Variants in RTKN2 observed in about 807,000 individuals in gnomAD.
RTKN2 encodes rhotekin-2.
A neutral mutation model predicts 71.5 loss-of-function variants in RTKN2; 69 were observed. The observed-to-expected ratio is 0.96, with a 90% CI of 0.79 to 1.18. The LOEUF is 1.18. RTKN2 is among the 50% of genes most tolerant of loss of function. RTKN2 has a pLI of 0.00. For missense variants in RTKN2, 724 were observed against 719.7 expected (o/e 1.01, Z -0.07); for synonymous variants, 236 against 236.5 (o/e 1.00, Z 0.02).
rs181944534 is a variant in RTKN2, at chr10:62,240,027, A to C, written c.371-262T>G. ...AGCCTAAAGAAACCACCAAACTCAT[A>C]AATTTTATTCCTATTAAACTTCTTA... On this transcript the variant is annotated intron_variant, in intron 4 of 11. Transcript: ENST00000373789. Among the ~76,000 whole-genome samples the C allele has an allele frequency of 7.2e-5, 11 of 152,248 alleles. No individual in the cohort carries two copies. In the East Asian group the frequency reaches 2.1e-3, roughly 29 times the overall value.
intron 9 of RTKN2, among the ~76,000 whole-genome samples, chr10:62,209,979 C>T (rs10995089): frequency 0.23 from 34,883 of 151,900 alleles, 5,141 homozygotes; most frequent in African/African-American, 0.42. Context: ...GGGTATATAC[C>T]CAGTAATGGG....
rs1841254924 is a variant in RTKN2, at chr10:62,193,351, T to G, written c.*4557A>C. The G allele has an allele frequency of 5.1e-6, 5 of 980,394 alleles. No homozygotes were observed. In the Admixed American group the frequency reaches 3.1e-4, roughly 60 times the overall value. The allele number at this position is 980,394 out of a possible 1,614,324, so 60.7% of individuals were successfully genotyped here. A position where few individuals can be genotyped will look rare whatever the true frequency, so the allele number is the denominator to read the frequency against. On this transcript the variant is annotated 3_prime_UTR_variant, in exon 12 of 12. Coordinates refer to ENST00000373789, the MANE Select transcript of RTKN2 (RefSeq NM_145307.4). ...CTGGAATTTAAAACACAATTTTCCA[T>G]AAGATCTGGAATGATCTTTTCTAAT...
At position 62,195,644 on chromosome 10, in the gene RTKN2, A is replaced by ACC; in HGVS notation, c.*2263_*2264insGG. ...GAAGGAAGGAAGGAAGGAAGGAAGG[A>ACC]AGGAAGGAAGGAAGGAAGGAAGGAA... On this transcript the variant is annotated 3_prime_UTR_variant, in exon 12 of 12. Coordinates refer to ENST00000373789, the MANE Select transcript of RTKN2 (RefSeq NM_145307.4). 9 of 698,134 alleles carry ACC rather than the reference A, an allele frequency of 1.3e-5. No individual in the cohort carries two copies. The highest frequency in any genetic ancestry group is 1.6e-5 in the Non-Finnish European group (9 of 569,824). 43.2% of individuals were successfully genotyped at this position (698,134 alleles called of 1,614,324 possible). A position where few individuals can be genotyped will look rare whatever the true frequency, so the allele number is the denominator to read the frequency against.
intron 8 of RTKN2, among the ~76,000 whole-genome samples, chr10:62,185,774 C>T (rs1223000146): frequency 6.6e-6 from 1 of 152,232 alleles, no homozygotes; most frequent in Non-Finnish European, 1.5e-5. Flanking sequence ...GCTGACTCCT[C>T]ACCTTGCAGC....
At chr10:62,226,173 A>G (rs1842019250) in intron 6 of RTKN2, among the ~76,000 whole-genome samples, 1 of 152,152 alleles carries the variant, frequency 6.6e-6, no homozygotes, top group African/African-American at 2.4e-5. Flanking sequence ...TCAAAACATC[A>G]ACGAGTATAT....
intron 7 of RTKN2, 43 bp from the exon 8 acceptor site, chr10:62,218,344 TAA>T (rs769371585): frequency 4.9e-6 from 6 of 1,225,070 alleles, no homozygotes; most frequent in Admixed American, 1.9e-5. Context: ...GTTATAAATA[TAA>T]GTTTATTTAA....
At chr10:62,199,910 G>A in intron 10 of RTKN2, 49 bp from the exon 11 acceptor site, 1 of 1,176,916 alleles carries the variant, frequency 8.5e-7, no homozygotes, top group Non-Finnish European at 1.2e-6. Flanking sequence ...TAAATGTGAA[G>A]ATATATATTT....
At chr10:62,265,522 A>C (rs1169072694) in intron 1 of RTKN2, among the ~76,000 whole-genome samples, 1 of 151,988 alleles carries the variant, frequency 6.6e-6, no homozygotes, top group African/African-American at 2.4e-5. Flanking sequence ...GGCTAACATA[A>C]GCAGGATGAA....
intron 9 of RTKN2, 40 bp downstream of exon 9, chr10:62,217,078 T>A: frequency 6.7e-7 from 1 of 1,494,612 alleles, no homozygotes; most frequent in East Asian, 2.3e-5. Flanking sequence ...ACAAACTTCC[T>A]AAGATGTATA....
intron 6 of RTKN2, among the ~76,000 whole-genome samples, chr10:62,229,944 C>A (rs1842113560): frequency 6.6e-6 from 1 of 152,082 alleles, no homozygotes; most frequent in Non-Finnish European, 1.5e-5. Flanking sequence ...AGCCCACTAA[C>A]AGATAATGTG....
intron 5 of RTKN2, among the ~76,000 whole-genome samples, chr10:62,236,811 T>G (rs1842268729): frequency 6.6e-6 from 1 of 151,874 alleles, no homozygotes. Flanking sequence ...ATCTTGCCAT[T>G]TGCTACAACA....
chr10:62,193,480 G>A lies in RTKN2; in HGVS notation c.*4428C>T. On this transcript the variant is annotated 3_prime_UTR_variant, in exon 12 of 12. Coordinates refer to ENST00000373789, the MANE Select transcript of RTKN2 (RefSeq NM_145307.4). ...TTGTTGTTAATTGAATGTAAAGGTA[G>A]TTTGTTTCTCTAAGCACATTGATTA... is the stretch of plus-strand genomic sequence containing the variant. 1 of 982,828 alleles carries A rather than the reference G, an allele frequency of 1.0e-6. No individual in the cohort carries two copies. The highest frequency in any genetic ancestry group is 1.2e-6 in the Non-Finnish European group (1 of 827,578). The allele number at this position is 982,828 out of a possible 1,614,324, so 60.9% of individuals were successfully genotyped here.
At chr10:62,222,433 C>T (rs910417870) in intron 7 of RTKN2, among the ~76,000 whole-genome samples, 17 of 152,014 alleles carry the variant, frequency 1.1e-4, no homozygotes, top group African/African-American at 3.9e-4. Flanking sequence ...TTTTAAACTA[C>T]ATATTTACAT....
chr10:62,194,607 T>A lies in RTKN2; in HGVS notation c.*3301A>T. On this transcript the variant is annotated 3_prime_UTR_variant, in exon 12 of 12. Transcript: ENST00000373789. ...GTCCATGTAGTATAGTTGTGCCTCA[T>A]TCGTGGTAACACAGGTGATTACATT... The A allele has an allele frequency of 1.0e-6, 1 of 985,460 alleles. No homozygotes were observed. Among genetic ancestry groups the A allele is most frequent in the Non-Finnish European group, 1.2e-6 (1 of 829,932 alleles). The allele number at this position is 985,460 out of a possible 1,614,324, so 61.0% of individuals were successfully genotyped here. A position where few individuals can be genotyped will look rare whatever the true frequency, so the allele number is the denominator to read the frequency against.
chr10:62,226,590 G>C (rs1842028464), intron 6 of RTKN2, among the ~76,000 whole-genome samples: 1 of 152,182 alleles, frequency 6.6e-6, no homozygotes, highest in South Asian at 2.1e-4. Flanking sequence ...TATAATGTCA[G>C]ACTCACACTT....
At chr10:62,246,239 G>A (rs556747024) in intron 2 of RTKN2, among the ~76,000 whole-genome samples, 182 bp from the exon 3 acceptor site, 2 of 152,158 alleles carry the variant, frequency 1.3e-5, no homozygotes, top group South Asian at 4.1e-4. Flanking sequence ...CAAGTTAAAA[G>A]AAATATCTGG....
intron 7 of RTKN2, among the ~76,000 whole-genome samples, chr10:62,218,864 T>C (rs1841838648): frequency 6.6e-6 from 1 of 150,904 alleles, no homozygotes; most frequent in African/African-American, 2.4e-5. Context: ...TGCATGCTTG[T>C]AGTCCCAGCT....
chr10:62,224,565 T>C (rs922137673), intron 6 of RTKN2, among the ~76,000 whole-genome samples: 18 of 151,996 alleles, frequency 1.2e-4, no homozygotes, highest in African/African-American at 4.1e-4. Flanking sequence ...GATCCAGCAT[T>C]ACATTCTGAT....
intron 9 of RTKN2, among the ~76,000 whole-genome samples, chr10:62,211,849 A>G (rs1457812692): frequency 1.3e-5 from 2 of 152,042 alleles, no homozygotes; most frequent in Non-Finnish European, 2.9e-5. Context: ...TGTTTTTAGT[A>G]GAGATGAGGT....
Sources: allele counts gnomAD v4.1 joint callset (sites outside exome capture counted in the v4.1 genomes callset), GRCh38; gene constraint gnomAD v4.1.1; transcripts MANE v1.5; gene names NCBI Gene and HGNC (gene_info 2026-07-23, HGNC 2026-07-21).